The following TMEM163 variants were observed in gnomAD, a reference collection of about 807,000 sequenced individuals.
The protein encoded by TMEM163 is transmembrane protein 163.
In TMEM163, 17 loss-of-function variants were observed where a neutral mutation model predicts 29.3. The ratio of observed to expected loss-of-function variants is 0.58; its 90% confidence interval spans 0.40 to 0.87. The LOEUF (loss-of-function observed/expected upper bound fraction) is 0.87. TMEM163 is among the 40% of genes least tolerant of loss of function. TMEM163 has a pLI of 0.00. For synonymous variants in TMEM163, 157 were observed against 160.6 expected (o/e 0.98, Z 0.17); for missense variants, 303 against 381.5 (o/e 0.79, Z 1.71).
At chr2:134,542,196 C>T (rs1458261293) in intron 4 of TMEM163, among the ~76,000 whole-genome samples, 2 of 152,148 alleles carry the variant, frequency 1.3e-5, no homozygotes, top group Non-Finnish European at 2.9e-5. Context: ...ACAAATAAAA[C>T]AATTTTCAAA....
At chr2:134,615,093 G>T (rs1682580926) in intron 2 of TMEM163, among the ~76,000 whole-genome samples, 1 of 152,022 alleles carries the variant, frequency 6.6e-6, no homozygotes. Flanking sequence ...ATGTACTAAA[G>T]GTCTTCAAAA....
chr2:134,643,882 A>C (rs1683274426), intron 2 of TMEM163, among the ~76,000 whole-genome samples: 1 of 152,080 alleles, frequency 6.6e-6, no homozygotes, highest in South Asian at 2.1e-4. Flanking sequence ...ATCTTCAAAA[A>C]AGTAAAAAAG....
intron 2 of TMEM163, among the ~76,000 whole-genome samples, chr2:134,697,461 C>A (rs1684607116): frequency 7.0e-6 from 1 of 142,402 alleles, no homozygotes; most frequent in Admixed American, 7.3e-5. Flanking sequence ...GGTTTCTTCT[C>A]AATTTTTTTT....
At chr2:134,707,724 G>C (rs370332503) in intron 2 of TMEM163, among the ~76,000 whole-genome samples, 1 of 152,006 alleles carries the variant, frequency 6.6e-6, no homozygotes, top group African/African-American at 2.4e-5. Flanking sequence ...ACTGCTCTGG[G>C]GGAATGGGCG....
chr2:134,706,958 T>C (rs1684828459), intron 2 of TMEM163, among the ~76,000 whole-genome samples: 1 of 152,194 alleles, frequency 6.6e-6, no homozygotes, highest in African/African-American at 2.4e-5. Context: ...GGGAGAGTTG[T>C]CGGAGCAAGG....
intron 2 of TMEM163, among the ~76,000 whole-genome samples, chr2:134,666,760 G>C (rs1558984624): frequency 6.6e-6 from 1 of 152,194 alleles, no homozygotes; most frequent in Non-Finnish European, 1.5e-5. Context: ...ATAAAAAGGA[G>C]ATCGTAATAG....
intron 4 of TMEM163, among the ~76,000 whole-genome samples, chr2:134,540,950 C>T (rs2106503250): frequency 6.6e-6 from 1 of 152,342 alleles, no homozygotes; most frequent in South Asian, 2.1e-4. Context: ...TTAAGGAATA[C>T]TGTTGCCTCG....
chr2:134,655,825 C>T (rs572428079), intron 2 of TMEM163, among the ~76,000 whole-genome samples: 3 of 141,842 alleles, frequency 2.1e-5, no homozygotes, highest in Non-Finnish European at 4.5e-5. Context: ...TGTCAGTCTG[C>T]CCCTGCTGGG....
intron 4 of TMEM163, 107 bp from the exon 5 acceptor site, chr2:134,503,104 T>A: frequency 8.7e-7 from 1 of 1,147,112 alleles, no homozygotes; most frequent in Non-Finnish European, 1.3e-6. Flanking sequence ...AACTCAATTG[T>A]AATTTGCCAC....
intron 2 of TMEM163, among the ~76,000 whole-genome samples, chr2:134,699,503 CAA>C (rs113283992): frequency 5.3e-5 from 7 of 132,384 alleles, no homozygotes; most frequent in Admixed American, 7.4e-5. Flanking sequence ...GGCTCAATCT[CAA>C]AAAAAAAAAA....
At chr2:134,611,155 C>T (rs1014399767) in intron 2 of TMEM163, among the ~76,000 whole-genome samples, 32 of 152,302 alleles carry the variant, frequency 2.1e-4, no homozygotes, top group Admixed American at 1.4e-3. Context: ...GTTACTACAT[C>T]TCTCCATTAA....
At chr2:134,632,410 G>C (rs1216616977) in intron 2 of TMEM163, among the ~76,000 whole-genome samples, 1 of 152,206 alleles carries the variant, frequency 6.6e-6, no homozygotes, top group East Asian at 1.9e-4. Flanking sequence ...AATCAGACAT[G>C]GGATGGACTG....
intron 2 of TMEM163, among the ~76,000 whole-genome samples, chr2:134,568,319 G>T (rs996853122): frequency 5.3e-5 from 8 of 152,158 alleles, no homozygotes; most frequent in Non-Finnish European, 7.4e-5. Context: ...GAGGTCAGGA[G>T]TTTGAAACCA....
At chr2:134,516,301 C>G (rs2106492950) in intron 4 of TMEM163, among the ~76,000 whole-genome samples, 1 of 152,194 alleles carries the variant, frequency 6.6e-6, no homozygotes, top group Non-Finnish European at 1.5e-5. Flanking sequence ...TGGCTCACAC[C>G]TGTAATCCCA....
At chr2:134,529,164 C>G (rs1680359893) in intron 4 of TMEM163, among the ~76,000 whole-genome samples, 2 of 149,944 alleles carry the variant, frequency 1.3e-5, no homozygotes, top group Admixed American at 1.3e-4. Flanking sequence ...AACCCCGTCT[C>G]TACTAAAAAT....
chr2:134,685,529 AT>A (rs1413578944), intron 2 of TMEM163, among the ~76,000 whole-genome samples: 1 of 152,242 alleles, frequency 6.6e-6, no homozygotes, highest in Non-Finnish European at 1.5e-5. Context: ...ATAAAGCATA[AT>A]TTAGCATAAT....
intron 4 of TMEM163, among the ~76,000 whole-genome samples, chr2:134,532,515 T>C (rs1253363695): frequency 6.6e-6 from 1 of 152,264 alleles, no homozygotes; most frequent in Non-Finnish European, 1.5e-5. Context: ...ATTTGCAGAA[T>C]GTGGATCCAA....
chr2:134,626,792 C>T (rs1682862812), intron 2 of TMEM163, among the ~76,000 whole-genome samples: 1 of 152,174 alleles, frequency 6.6e-6, no homozygotes, highest in Non-Finnish European at 1.5e-5. Context: ...AAACATTCTC[C>T]TGTTGCTTCT....
At chr2:134,550,863 G>A (rs2106507530) in intron 3 of TMEM163, among the ~76,000 whole-genome samples, 1 of 152,296 alleles carries the variant, frequency 6.6e-6, no homozygotes, top group South Asian at 2.1e-4. Flanking sequence ...GCCATGTAGG[G>A]GGCTCTGCTC....
Sources: allele counts gnomAD v4.1 joint callset (sites outside exome capture counted in the v4.1 genomes callset), GRCh38; gene constraint gnomAD v4.1.1; transcripts MANE v1.5; gene names NCBI Gene and HGNC (gene_info 2026-07-23, HGNC 2026-07-21).